FGF14: variants seen among roughly 807,000 people sequenced by gnomAD.
FGF14 encodes fibroblast growth factor 14.
Under a neutral mutation model 25.5 loss-of-function variants are expected in FGF14, and 5 were observed. The ratio of observed to expected loss-of-function variants is 0.20; its 90% CI spans 0.10 to 0.41. FGF14 has a LOEUF of 0.41. FGF14 is among the 10% of genes least tolerant of loss of function. FGF14 has a pLI of 1.00. For synonymous variants in FGF14, 138 were observed against 118.3 expected (o/e 1.17, Z -1.08); for missense variants, 222 against 320.1 (o/e 0.69, Z 2.34).
At chr13:101,869,493 T>C (rs914755056) in intron 2 of FGF14, among the ~76,000 whole-genome samples, 2 of 152,224 alleles carry the variant, frequency 1.3e-5, no homozygotes, top group African/African-American at 2.4e-5. Flanking sequence ...GATAGCAACG[T>C]TATAACATTA....
chr13:101,880,873 T>C (rs756948209), intron 1 of FGF14, among the ~76,000 whole-genome samples: 2 of 152,204 alleles, frequency 1.3e-5, no homozygotes, highest in African/African-American at 2.4e-5. Flanking sequence ...TATCTATAAA[T>C]GGTTTTTGAG....
At chr13:102,127,118 A>G (rs1160937414) in intron 1 of FGF14, among the ~76,000 whole-genome samples, 1 of 152,166 alleles carries the variant, frequency 6.6e-6, no homozygotes, top group African/African-American at 2.4e-5. Flanking sequence ...ATATATACAT[A>G]TATGTAAAAG....
At chr13:102,298,567 A>T (rs1266584495) in intron 1 of FGF14, among the ~76,000 whole-genome samples, 7 of 152,084 alleles carry the variant, frequency 4.6e-5, no homozygotes, top group Non-Finnish European at 1.0e-4. Context: ...CTTTTACCAT[A>T]TGTCCTTTAT....
At chr13:101,754,988 C>T (rs550610171) in intron 3 of FGF14, among the ~76,000 whole-genome samples, 9 of 152,094 alleles carry the variant, frequency 5.9e-5, no homozygotes, top group South Asian at 2.1e-4. Context: ...AGAACTTATA[C>T]GGCATATCAA....
chr13:101,849,021 T>C (rs1283006738), intron 3 of FGF14, among the ~76,000 whole-genome samples: 1 of 152,088 alleles, frequency 6.6e-6, no homozygotes, highest in Non-Finnish European at 1.5e-5. Flanking sequence ...TTGTATCTTC[T>C]GACCTCCTTT....
rs570860254 is a variant in FGF14 at position 101,711,392 on chromosome 13, C to T, written c.*11439G>A. On this transcript the variant is annotated 3_prime_UTR_variant, in exon 5 of 5. Transcript: ENST00000376143. ...ACACACTCACCCACCCACAACCTGT[C>T]CCACATCCCCAGAAAAGAGAAAGAG... The T allele has an allele frequency of 2.0e-5, 3 of 152,374 alleles. No individual in the cohort carries two copies. The highest frequency in any genetic ancestry group is 4.4e-5 in the Non-Finnish European group (3 of 68,090). The allele number at this position is 152,374 out of a possible 1,614,324, so 9.4% of individuals were successfully genotyped here.
intron 3 of FGF14, among the ~76,000 whole-genome samples, chr13:101,798,127 T>C (rs907547458): frequency 7.2e-5 from 11 of 152,096 alleles, no homozygotes; most frequent in Non-Finnish European, 1.6e-4. Flanking sequence ...CTTTGCATTC[T>C]AATAAAAGAA....
Position 102,186,740 on chromosome 13 carries a change from G to A in FGF14, c.208+214731C>T, listed in dbSNP as rs528610019. On this transcript the variant is annotated intron_variant, in intron 1 of 4. Coordinates refer to the FGF14 transcript ENST00000376131. ...GGGGGAACATAAGAGCGATGCCTGA[G>A]TTACATGTTTAGTGCACACAGGAAA... is the stretch of plus-strand genomic sequence containing the variant. 2.6e-5 allele frequency among the ~76,000 whole-genome samples: 4 copies of A among 152,240 alleles called. No individual in the cohort carries two copies. The South Asian group carries it at 6.2e-4, about 24-fold the overall frequency.
At chr13:102,156,864 A>G (rs1430933814) in intron 1 of FGF14, among the ~76,000 whole-genome samples, 1 of 152,148 alleles carries the variant, frequency 6.6e-6, no homozygotes, top group African/African-American at 2.4e-5. Context: ...TTATACACCA[A>G]TAACAGAAAA....
At chr13:102,119,232 C>T (rs1566709476) in intron 1 of FGF14, among the ~76,000 whole-genome samples, 1 of 152,158 alleles carries the variant, frequency 6.6e-6, no homozygotes, top group Non-Finnish European at 1.5e-5. Context: ...GAAAATAACA[C>T]AGAGAAACAA....
chr13:102,033,325 G>T (rs924242951), intron 1 of FGF14, among the ~76,000 whole-genome samples: 1 of 152,096 alleles, frequency 6.6e-6, no homozygotes, highest in African/African-American at 2.4e-5. Context: ...AAATACAGTA[G>T]TTCTACAATA....
chr13:102,010,160 G>A (rs2040005307), intron 1 of FGF14, among the ~76,000 whole-genome samples: 1 of 152,124 alleles, frequency 6.6e-6, no homozygotes, highest in Non-Finnish European at 1.5e-5. Flanking sequence ...CTAGGTGCAT[G>A]GTGGAAATGG....
intron 3 of FGF14, among the ~76,000 whole-genome samples, chr13:101,750,949 A>G (rs181648077): frequency 1.2e-4 from 19 of 152,310 alleles, no homozygotes; most frequent in Non-Finnish European, 1.6e-4. Context: ...TATACACTAT[A>G]CGATTCCAAC....
rs147798961 is a variant in FGF14 at position 102,117,814 on chromosome 13, G to A, written c.209-242518C>T. 2.3e-4 allele frequency among the ~76,000 whole-genome samples: 35 copies of A among 152,270 alleles called. No homozygotes were observed. The East Asian group carries it at 6.2e-3, about 27-fold the overall frequency. ...ATAAGAAAAATATGTGTAAGTTTAC[G>A]TATGTGTATTTGTTTATTTTTTCAA... On this transcript the variant is annotated intron_variant, in intron 1 of 4. Coordinates refer to the FGF14 transcript ENST00000376131.
intron 1 of FGF14, among the ~76,000 whole-genome samples, chr13:101,879,263 T>C (rs1339545091): frequency 6.6e-6 from 1 of 152,130 alleles, no homozygotes; most frequent in Admixed American, 6.5e-5. Context: ...ACTAAAAACG[T>C]TTTGAAGATA....
At chr13:102,290,788 C>T (rs9557850) in intron 1 of FGF14, among the ~76,000 whole-genome samples, 46,087 of 151,972 alleles carry the variant, frequency 0.3, 7,435 homozygotes, top group African/African-American at 0.41. Flanking sequence ...ATTGCTGCGT[C>T]CCTCCACAAT....
At chr13:101,997,005 A>G (rs2039220906) in intron 1 of FGF14, among the ~76,000 whole-genome samples, 1 of 152,162 alleles carries the variant, frequency 6.6e-6, no homozygotes, top group Non-Finnish European at 1.5e-5. Flanking sequence ...CTCTCACTTT[A>G]TTTAAATGCC....
intron 3 of FGF14, among the ~76,000 whole-genome samples, chr13:101,738,103 A>C (rs1251772491): frequency 6.6e-6 from 1 of 152,146 alleles, no homozygotes; most frequent in Non-Finnish European, 1.5e-5. Flanking sequence ...ATTTGATACA[A>C]TAATGCTGTG....
intron 1 of FGF14, among the ~76,000 whole-genome samples, chr13:102,229,966 T>G (rs1404037970): frequency 6.6e-6 from 1 of 152,220 alleles, no homozygotes; most frequent in Non-Finnish European, 1.5e-5. Flanking sequence ...ATTGTACTAG[T>G]CACTGATATA....
Sources: allele counts gnomAD v4.1 joint callset (sites outside exome capture counted in the v4.1 genomes callset), GRCh38; gene constraint gnomAD v4.1.1; transcripts MANE v1.5; gene names NCBI Gene and HGNC (gene_info 2026-07-23, HGNC 2026-07-21).